The following KIF11 variants were observed in gnomAD, a reference collection of about 807,000 sequenced individuals.
KIF11 encodes kinesin family member 11.
In KIF11, 9 loss-of-function variants were observed where a neutral mutation model predicts 121.0. The ratio of observed to expected loss-of-function variants is 0.07; its 90% CI spans 0.04 to 0.13. The LOEUF is 0.13. KIF11 is among the 10% of genes least tolerant of loss of function. The pLI is 1.00. For missense variants in KIF11, 846 were observed against 1,217.5 expected, an observed-to-expected ratio of 0.69 and a Z score of 4.54; for synonymous variants, 408 against 421.0, an observed-to-expected ratio of 0.97 and a Z score of 0.38.
chr10:92,639,755 T>C (rs575843332), intron 16 of KIF11, 39 bp from the exon 17 acceptor site: 1 of 1,175,934 alleles, frequency 8.5e-7, no homozygotes, highest in East Asian at 2.3e-5. Flanking sequence ...TCAAGTGTCA[T>C]AATTTTAAGT....
intron 6 of KIF11, 95 bp downstream of exon 6, chr10:92,609,604 G>C: frequency 8.5e-7 from 1 of 1,179,970 alleles, no homozygotes; most frequent in South Asian, 1.5e-5. Flanking sequence ...AGGGTATGTG[G>C]GTCACGTACC....
At chr10:92,629,032 G>A in intron 11 of KIF11, 137 bp downstream of exon 11, 1 of 534,854 alleles carries the variant, frequency 1.9e-6, no homozygotes, top group South Asian at 2.2e-5. Flanking sequence ...CCAGGCTGGA[G>A]TGCAATAGCG....
chr10:92,595,864 A>G (rs1434076883), intron 1 of KIF11, among the ~76,000 whole-genome samples: 1 of 152,196 alleles, frequency 6.6e-6, no homozygotes, highest in African/African-American at 2.4e-5. Context: ...CTTAGGCATA[A>G]TGTCCTCCAG....
intron 8 of KIF11, among the ~76,000 whole-genome samples, chr10:92,614,253 C>T (rs1437630761): frequency 3.3e-5 from 5 of 151,998 alleles, no homozygotes; most frequent in Admixed American, 6.6e-5. Context: ...CCTGCCACCA[C>T]GCCCACCTAA....
Position 92,655,116 on chromosome 10 carries a change from A to G in KIF11, c.*1320A>G, listed in dbSNP as rs1161197986. 52 of 152,688 alleles carry G rather than the reference A, an allele frequency of 3.4e-4. No homozygotes were observed. The highest frequency in any genetic ancestry group is 7.3e-5 in the Non-Finnish European group (5 of 68,050). 9.5% of individuals were successfully genotyped at this position (152,688 alleles called of 1,614,324 possible). On this transcript the variant is annotated 3_prime_UTR_variant, in exon 22 of 22. Transcript: ENST00000260731. ...TTGAGATGTTTCAGCTTGAAGAACC[A>G]AAACAGAAGGAATATGTACAAAGAA...
chr10:92,649,725 T>A, intron 19 of KIF11, 110 bp from the exon 20 acceptor site: 1 of 696,608 alleles, frequency 1.4e-6, no homozygotes, highest in Non-Finnish European at 2.4e-6. Context: ...ATATGGCAAT[T>A]ATATTTTTAT....
intron 21 of KIF11, among the ~76,000 whole-genome samples, chr10:92,651,739 C>A (rs1166196255): frequency 1.3e-5 from 2 of 151,504 alleles, no homozygotes; most frequent in Admixed American, 1.3e-4. Context: ...TGACTGAGTA[C>A]ACAATCAATG....
intron 9 of KIF11, among the ~76,000 whole-genome samples, chr10:92,618,643 C>CAAAAAA (rs369094008): frequency 6.7e-5 from 6 of 89,506 alleles, no homozygotes; most frequent in African/African-American, 2.2e-4. Context: ...GGCTCTGTCT[C>CAAAAAA]AAAAAAAAAA....
In KIF11 at chr10:92,621,612, T is replaced by G. The variant is rs561128331; in HGVS notation, c.1217+139T>G. The G allele has an allele frequency of 7.8e-5, 39 of 498,774 alleles. No homozygotes were observed. In the East Asian group the frequency reaches 8.6e-4, roughly 11 times the overall value. 30.9% of individuals were successfully genotyped at this position (498,774 alleles called of 1,614,324 possible). On this transcript the variant is annotated intron_variant, in intron 10 of 21. Coordinates refer to ENST00000260731, the MANE Select transcript of KIF11 (RefSeq NM_004523.4). Reference sequence around the variant, plus strand: ...TACTTCATTTTGTGTGTGTGTGTGTTTTCTTTTGAGACAAGGTCTCGCACT... The same window carrying G: ...TACTTCATTTTGTGTGTGTGTGTGTGTTCTTTTGAGACAAGGTCTCGCACT...
rs149291890 is a variant in KIF11 at position 92,593,154 on chromosome 10, C to G, written c.-222C>G. The G allele has an allele frequency of 6.9e-4, 356 of 516,830 alleles. 2 individuals are homozygous for G. Among genetic ancestry groups the G allele is most frequent in the African/African-American group, 6.1e-3 (311 of 51,018 alleles). 32.0% of individuals were successfully genotyped at this position (516,830 alleles called of 1,614,324 possible). On this transcript the variant is annotated 5_prime_UTR_variant, in exon 1 of 22. Transcript: ENST00000260731. ...TAGTTTCTGGGGATTCGGGCGGAGA[C>G]GAGATTAGTGATTTGGCGGCTCCGA...
Position 92,651,507 on chromosome 10 carries a change from G to GTATTTTTTCTTT in KIF11, c.3039+991_3039+992insATTTTTTCTTTT, listed in dbSNP as rs1554863366. ...TGTGCCACCATGCCTGGCTAATTTT[G>GTATTTTTTCTTT]TTTTTTTTTTTTTTTTTTTTTTTTT... On this transcript the variant is annotated intron_variant, in intron 21 of 21. Coordinates refer to ENST00000260731, the MANE Select transcript of KIF11 (RefSeq NM_004523.4). 6.2e-4 allele frequency among the ~76,000 whole-genome samples: 33 copies of GTATTTTTTCTTT among 52,972 alleles called. 3 individuals carry two copies. The highest frequency in any genetic ancestry group is 2.9e-3 in the South Asian group (3 of 1,032). 34.8% of individuals were successfully genotyped at this position (52,972 alleles called of 152,430 possible).
intron 21 of KIF11, among the ~76,000 whole-genome samples, chr10:92,651,871 A>G (rs1844989824): frequency 6.6e-6 from 1 of 151,392 alleles, no homozygotes; most frequent in Non-Finnish European, 1.5e-5. Flanking sequence ...AAGCCTAGAC[A>G]GAGTGTGTGA....
At position 92,613,664 on chromosome 10, in the gene KIF11, T is replaced by G; in HGVS notation, c.1032+45T>G. ...GCTGCAAGTGTAGTAGCTGTAATTC[T>G]TATTTGGCTATTATATATTTTAAAA... On this transcript the variant is annotated intron_variant, in intron 8 of 21. Transcript: ENST00000260731. This position sits in a 1 kb window ranked among gnomAD's most constrained non-coding sequence, Gnocchi z 4.2. 6.5e-7 allele frequency: 1 copy of G among 1,547,288 alleles called. No individual in the cohort carries two copies. The highest frequency in any genetic ancestry group is 2.2e-5 in the East Asian group (1 of 44,492).
chr10:92,593,271 C>A lies in KIF11; in HGVS notation c.-105C>A. 1 of 1,204,874 alleles carries A rather than the reference C, an allele frequency of 8.3e-7. No individual in the cohort carries two copies. The highest frequency in any genetic ancestry group is 1.2e-6 in the Non-Finnish European group (1 of 859,672). The allele number at this position is 1,204,874 out of a possible 1,614,324, so 74.6% of individuals were successfully genotyped here. A position where few individuals can be genotyped will look rare whatever the true frequency, so the allele number is the denominator to read the frequency against. On this transcript the variant is annotated 5_prime_UTR_variant, in exon 1 of 22. Transcript: ENST00000260731. ...CGGTCCTCCAGGCCACGCCAGCGCC[C>A]GAGAGGGACCAGGGAGACTCCGGCC...
chr10:92,653,595 A>G (rs1349576192), intron 21 of KIF11, 70 bp from the exon 22 acceptor site: 5 of 1,409,648 alleles, frequency 3.5e-6, no homozygotes, highest in East Asian at 4.6e-5. Flanking sequence ...GAACTTTGAA[A>G]ATAGAGTGTA....
In KIF11 at chr10:92,653,775, G is replaced by A. The variant is rs748619331; in HGVS notation, c.3150G>A (p.Leu1050=). Reference sequence around the variant, plus strand: ...TGGTTACAAAGAGCAGATTACCTCTGCGAGCCCAGATCAACCTTTAATTCA... The same window carrying A: ...TGGTTACAAAGAGCAGATTACCTCTACGAGCCCAGATCAACCTTTAATTCA... ...EHLVTKSRLP[L]RAQINL is the part of the protein sequence containing the mutation. Residue 1050 remains leucine, a synonymous_variant, in exon 22 of 22, where the codon CTG becomes CTA. Coordinates refer to ENST00000260731, the MANE Select transcript of KIF11 (RefSeq NM_004523.4). 6.2e-7 allele frequency: 1 copy of A among 1,613,664 alleles called. No homozygotes were observed. Among genetic ancestry groups the A allele is most frequent in the Non-Finnish European group, 8.5e-7 (1 of 1,179,864 alleles).
chr10:92,605,482 A>ATTTTTT (rs58660991), intron 1 of KIF11, among the ~76,000 whole-genome samples: 1,198 of 98,262 alleles, frequency 0.012, 89 homozygotes, highest in African/African-American at 0.043. Context: ...ATTTGATCGG[A>ATTTTTT]TTTTTTTTTT....
At chr10:92,653,563 G>GT (rs772963900) in intron 21 of KIF11, 102 bp from the exon 22 acceptor site, 2 of 1,183,782 alleles carry the variant, frequency 1.7e-6, no homozygotes, top group African/African-American at 1.5e-5. Flanking sequence ...CTACACTTAA[G>GT]TTTTTTTGCC....
intron 21 of KIF11, among the ~76,000 whole-genome samples, chr10:92,651,983 T>TTA (rs1491469358): frequency 1.0e-4 from 12 of 117,156 alleles, no homozygotes; most frequent in East Asian, 7.1e-4. Flanking sequence ...TTTTTTTTTT[T>TTA]AAATATATAT....
Sources: allele counts gnomAD v4.1 joint callset (sites outside exome capture counted in the v4.1 genomes callset), GRCh38; gene constraint gnomAD v4.1.1; non-coding constraint Gnocchi (gnomAD v3.1); transcripts MANE v1.5; gene names NCBI Gene and HGNC (gene_info 2026-07-23, HGNC 2026-07-21).